Variants in PIP4P2 observed in about 807,000 individuals in gnomAD.
PIP4P2 encodes type 2 phosphatidylinositol 4,5-bisphosphate 4-phosphatase.
In PIP4P2, 19 loss-of-function variants were observed where a neutral mutation model predicts 33.3. The observed-to-expected ratio is 0.57, with a 90% CI of 0.40 to 0.84. The LOEUF (loss-of-function observed/expected upper bound fraction) is 0.84. Among genes scored for constraint, PIP4P2 ranks in the 40% least tolerant of loss-of-function variants. PIP4P2 has a pLI of 0.00. For missense variants in PIP4P2, 270 were observed against 324.7 expected (o/e 0.83, Z 1.29); for synonymous variants, 110 against 111.9 (o/e 0.98, Z 0.11).
intron 6 of PIP4P2, 61 bp from the exon 7 acceptor site, chr8:90,995,881 G>T: frequency 1.3e-6 from 2 of 1,505,772 alleles, no homozygotes; most frequent in South Asian, 1.3e-5. Context: ...TCTGCTTAGG[G>T]AACTTGTATC....
At chr8:91,000,686 C>T (rs1275140252) in intron 5 of PIP4P2, among the ~76,000 whole-genome samples, 2 of 151,832 alleles carry the variant, frequency 1.3e-5, no homozygotes, top group African/African-American at 2.4e-5. Flanking sequence ...TAATTACCTT[C>T]TATTTCTCTT....
At chr8:91,001,885 A>C (rs1811704237) in intron 5 of PIP4P2, among the ~76,000 whole-genome samples, 2 of 152,208 alleles carry the variant, frequency 1.3e-5, no homozygotes, top group African/African-American at 2.4e-5. Context: ...TGCTTTTCGC[A>C]GGCTCCCTAG....
Position 91,021,307 on chromosome 8 carries a change from A to C in PIP4P2, c.204T>G (p.Asp68Glu). 6.2e-7 allele frequency: 1 copy of C among 1,613,846 alleles called. No homozygotes were observed. The highest frequency in any genetic ancestry group is 8.5e-7 in the Non-Finnish European group (1 of 1,179,822). The change falls in exon 2 of 7, where the codon GAT becomes GAG. Residue 68 changes from aspartate to glutamate, a missense_variant. By Grantham distance (45) the Asp-to-Glu change is conservative (BLOSUM62 2). Transcript: ENST00000285419. Reference protein sequence around the residue: ...CRVCQSLINLDGKLHQHVVKC... With the variant: ...CRVCQSLINLEGKLHQHVVKC... The stretch of plus-strand genomic sequence containing the variant: ...TAACCACATGCTGGTGAAGCTTGCC[A>C]TCCAAATTGATTAGTGATTGGCACA...
At chr8:91,007,012 A>AT (rs1450418511) in intron 5 of PIP4P2, among the ~76,000 whole-genome samples, 1 of 152,024 alleles carries the variant, frequency 6.6e-6, no homozygotes, top group Non-Finnish European at 1.5e-5. Flanking sequence ...TAAGATCTTT[A>AT]TTTCCATTTT....
intron 4 of PIP4P2, among the ~76,000 whole-genome samples, chr8:91,014,796 C>CACACAT (rs58715757): frequency 6.7e-6 from 1 of 149,350 alleles, no homozygotes; most frequent in Non-Finnish European, 1.5e-5. Flanking sequence ...CACACACACA[C>CACACAT]GATAACTATA....
In PIP4P2 at chr8:90,996,638, A is replaced by C; in HGVS notation, c.630+16T>G. Reference sequence around the variant, plus strand: ...GTTGAGAGGACAGAATTCTAACATCAAAGTGTAACACTCACAGTTAACCCA... The same window carrying C: ...GTTGAGAGGACAGAATTCTAACATCCAAGTGTAACACTCACAGTTAACCCA... On this transcript the variant is annotated intron_variant, in intron 6 of 6. Transcript: ENST00000285419. 6.3e-7 allele frequency: 1 copy of C among 1,593,908 alleles called. No individual in the cohort carries two copies. Among genetic ancestry groups the C allele is most frequent in the Non-Finnish European group, 8.6e-7 (1 of 1,168,060 alleles).
chr8:91,013,977 A>G lies in PIP4P2; in HGVS notation c.486+4413T>C, dbSNP rs894384899. 1.1e-4 allele frequency among the ~76,000 whole-genome samples: 16 copies of G among 152,210 alleles called. 1 individual carries two copies. Among genetic ancestry groups the G allele is most frequent in the Admixed American group, 2.0e-4 (3 of 15,268 alleles). Reference sequence around the variant, plus strand: ...CTACTAAATCAGAAAAATCCTAGCAATTCTGGTTAAATACAGTAAATTGAA... The same window carrying G: ...CTACTAAATCAGAAAAATCCTAGCAGTTCTGGTTAAATACAGTAAATTGAA... On this transcript the variant is annotated intron_variant, in intron 4 of 6. Coordinates refer to ENST00000285419, the MANE Select transcript of PIP4P2 (RefSeq NM_018710.3).
chr8:91,015,599 T>C (rs1463680701), intron 4 of PIP4P2, among the ~76,000 whole-genome samples: 1 of 152,164 alleles, frequency 6.6e-6, no homozygotes, highest in East Asian at 1.9e-4. Flanking sequence ...GAAATAGCAC[T>C]TGGACATAAA....
At chr8:91,035,701 A>C (rs575706939) in intron 1 of PIP4P2, among the ~76,000 whole-genome samples, 2 of 152,302 alleles carry the variant, frequency 1.3e-5, no homozygotes, top group East Asian at 3.9e-4. Context: ...TGGTACACAG[A>C]GAAAATGACA....
intron 1 of PIP4P2, among the ~76,000 whole-genome samples, chr8:91,030,090 G>A (rs147345014): frequency 1.8e-4 from 28 of 151,950 alleles, no homozygotes; most frequent in Non-Finnish European, 3.4e-4. Context: ...CTCAGCAAAT[G>A]TGTAGAATTT....
chr8:91,014,324 C>G (rs1811882217), intron 4 of PIP4P2, among the ~76,000 whole-genome samples: 1 of 152,068 alleles, frequency 6.6e-6, no homozygotes, highest in Non-Finnish European at 1.5e-5. Flanking sequence ...TTCATAAAAA[C>G]CAAGATATGG....
intron 4 of PIP4P2, among the ~76,000 whole-genome samples, chr8:91,013,232 A>G (rs2130362048): frequency 6.6e-6 from 1 of 152,254 alleles, no homozygotes; most frequent in East Asian, 1.9e-4. Context: ...CACACACTCA[A>G]TATATATAAT....
intron 1 of PIP4P2, among the ~76,000 whole-genome samples, chr8:91,022,321 G>T (rs1812022052): frequency 6.6e-6 from 1 of 152,144 alleles, no homozygotes; most frequent in Admixed American, 6.5e-5. Context: ...GACTCAGTGA[G>T]TGAGTGAAGG....
At chr8:91,027,688 A>T (rs548493636) in intron 1 of PIP4P2, among the ~76,000 whole-genome samples, 1 of 152,240 alleles carries the variant, frequency 6.6e-6, no homozygotes, top group African/African-American at 2.4e-5. Context: ...TTTTAAAGCT[A>T]GAAGTAGCTT....
rs76705907 is a variant in PIP4P2, at chr8:91,016,928, G to A, written c.486+1462C>T. On this transcript the variant is annotated intron_variant, in intron 4 of 6. Coordinates refer to ENST00000285419, the MANE Select transcript of PIP4P2 (RefSeq NM_018710.3). ...CAAAGGAGGGGGCAATTATTTGTAA[G>A]TCCAAGAAAATGTTAAAATGCATGC... Among the ~76,000 whole-genome samples, 260 of 152,316 alleles carry A rather than the reference G, an allele frequency of 1.7e-3. 1 individual carries two copies. The highest frequency in any genetic ancestry group is 6.1e-3 in the African/African-American group (253 of 41,572).
intron 1 of PIP4P2, among the ~76,000 whole-genome samples, chr8:91,026,032 T>C (rs1015841160): frequency 1.3e-5 from 2 of 152,144 alleles, no homozygotes; most frequent in African/African-American, 4.8e-5. Flanking sequence ...ATGCTAGTTA[T>C]CAGGTTACTG....
chr8:91,023,265 T>A (rs1812036106), intron 1 of PIP4P2, among the ~76,000 whole-genome samples: 1 of 151,738 alleles, frequency 6.6e-6, no homozygotes, highest in Admixed American at 6.6e-5. Flanking sequence ...CCTTGAGTTG[T>A]ACAGTAACAT....
intron 5 of PIP4P2, among the ~76,000 whole-genome samples, chr8:91,001,427 T>C (rs2130350517): frequency 6.6e-6 from 1 of 152,168 alleles, no homozygotes; most frequent in East Asian, 1.9e-4. Flanking sequence ...CATTAATCTG[T>C]TCCCTATTTC....
At chr8:91,032,508 C>T (rs971271462) in intron 1 of PIP4P2, among the ~76,000 whole-genome samples, 1 of 151,990 alleles carries the variant, frequency 6.6e-6, no homozygotes, top group Admixed American at 6.6e-5. Flanking sequence ...AGGCCAGGCG[C>T]GGTGGCTCAT....
Sources: allele counts gnomAD v4.1 joint callset (sites outside exome capture counted in the v4.1 genomes callset), GRCh38; gene constraint gnomAD v4.1.1; transcripts MANE v1.5; gene names NCBI Gene and HGNC (gene_info 2026-07-23, HGNC 2026-07-21).